The following SDHAF3 variants were observed in gnomAD, a reference collection of about 807,000 sequenced individuals.
SDHAF3 encodes the protein succinate dehydrogenase assembly factor 3, mitochondrial.
SDHAF3 carries 18 observed loss-of-function variants against 11.5 expected under a neutral mutation model. The ratio of observed to expected loss-of-function variants is 1.56; its 90% CI spans 1.08 to 2.32. SDHAF3 has a LOEUF of 2.32. Ranked by LOEUF, SDHAF3 falls within the 30% of genes most tolerant of loss-of-function variation. The probability of loss-of-function intolerance (pLI) is 0.00; values close to 1 mark genes in which losing one functional copy is unlikely to be tolerated. For synonymous variants in SDHAF3, 72 were observed against 59.3 expected (o/e 1.21, Z -0.99); for missense variants, 200 against 154.4 (o/e 1.30, Z -1.57).
intron 1 of SDHAF3, among the ~76,000 whole-genome samples, chr7:97,160,069 GC>G (rs1562828512): frequency 6.6e-6 from 1 of 151,302 alleles, no homozygotes; most frequent in East Asian, 2.0e-4. Context: ...CTGCCCGGCT[GC>G]CCTATCTGGG....
At chr7:97,173,729 T>C (rs1789640025) in intron 1 of SDHAF3, among the ~76,000 whole-genome samples, 1 of 151,770 alleles carries the variant, frequency 6.6e-6, no homozygotes. Context: ...ATTTTTTGTA[T>C]TTTTAGTAGA....
At chr7:97,177,080 G>T (rs1240056634) in intron 1 of SDHAF3, among the ~76,000 whole-genome samples, 2 of 151,594 alleles carry the variant, frequency 1.3e-5, no homozygotes, top group Non-Finnish European at 2.9e-5. Flanking sequence ...AAAGATTTTT[G>T]CTTTATTTTT....
chr7:97,142,716 T>A (rs1441268679), intron 1 of SDHAF3: 1 of 151,964 alleles, frequency 6.6e-6, no homozygotes, highest in East Asian at 1.9e-4. Context: ...GAGACAGTAT[T>A]TAAGGAATTT....
intron 1 of SDHAF3, among the ~76,000 whole-genome samples, chr7:97,121,835 T>G (rs1791501187): frequency 1.4e-5 from 2 of 146,754 alleles, no homozygotes. Context: ...AGTATGAGGT[T>G]TTTTGGTTTT....
intron 1 of SDHAF3, among the ~76,000 whole-genome samples, chr7:97,152,748 C>T (rs1789244522): frequency 6.6e-6 from 1 of 152,228 alleles, no homozygotes; most frequent in Admixed American, 6.5e-5. Flanking sequence ...CTCCCAGGTT[C>T]AAGCGATCCT....
intron 1 of SDHAF3, among the ~76,000 whole-genome samples, chr7:97,127,969 C>T (rs902277906): frequency 1.4e-5 from 2 of 140,502 alleles, no homozygotes; most frequent in East Asian, 2.2e-4. Flanking sequence ...GGCACTGCGT[C>T]GGCTCACTGC....
chr7:97,154,354 C>T (rs1202856118), intron 1 of SDHAF3, among the ~76,000 whole-genome samples: 3 of 152,182 alleles, frequency 2.0e-5, no homozygotes, highest in Non-Finnish European at 4.4e-5. Context: ...GTCACAATGG[C>T]TTAGCTTGGG....
intron 1 of SDHAF3, among the ~76,000 whole-genome samples, chr7:97,159,596 A>T (rs1789366966): frequency 6.6e-6 from 1 of 152,176 alleles, no homozygotes; most frequent in Non-Finnish European, 1.5e-5. Context: ...GTCATAACAA[A>T]CAACCCCAAT....
chr7:97,156,034 G>A (rs1415725008), intron 1 of SDHAF3, among the ~76,000 whole-genome samples: 5 of 152,074 alleles, frequency 3.3e-5, no homozygotes. Flanking sequence ...ACACAGTATT[G>A]CTAACTAAAG....
At chr7:97,172,783 TCTTA>T (rs1231930920) in intron 1 of SDHAF3, among the ~76,000 whole-genome samples, 1 of 152,240 alleles carries the variant, frequency 6.6e-6, no homozygotes, top group Non-Finnish European at 1.5e-5. Flanking sequence ...TTTTGGTATG[TCTTA>T]CTTGGATTTT....
chr7:97,143,118 A>G (rs1032343010), intron 1 of SDHAF3, among the ~76,000 whole-genome samples: 6 of 150,966 alleles, frequency 4.0e-5, no homozygotes, highest in Non-Finnish European at 8.9e-5. Flanking sequence ...CTGGTCTCGA[A>G]CTCCTGGCCT....
intron 1 of SDHAF3, among the ~76,000 whole-genome samples, chr7:97,148,597 A>G (rs80154706): frequency 0.016 from 2,361 of 152,322 alleles, 59 homozygotes; most frequent in African/African-American, 0.053. Flanking sequence ...TGAATTTGAT[A>G]AACAATTCAC....
chr7:97,147,949 G>A (rs189515177), intron 1 of SDHAF3, among the ~76,000 whole-genome samples: 1 of 151,836 alleles, frequency 6.6e-6, no homozygotes, highest in African/African-American at 2.4e-5. Context: ...GAGTCTTGCC[G>A]TGTCTCCCAG....
intron 1 of SDHAF3, among the ~76,000 whole-genome samples, chr7:97,148,497 A>G (rs1005191349): frequency 1.3e-5 from 2 of 152,164 alleles, no homozygotes; most frequent in Non-Finnish European, 2.9e-5. Flanking sequence ...TGATTGCCCT[A>G]CTGTACTCCA....
At chr7:97,174,155 G>A (rs1057284105) in intron 1 of SDHAF3, among the ~76,000 whole-genome samples, 1 of 151,798 alleles carries the variant, frequency 6.6e-6, no homozygotes, top group Non-Finnish European at 1.5e-5. Flanking sequence ...CTGACCTCAA[G>A]GGATCCACTC....
chr7:97,126,140 G>T (rs1791569805), intron 1 of SDHAF3, among the ~76,000 whole-genome samples: 1 of 152,204 alleles, frequency 6.6e-6, no homozygotes, highest in South Asian at 2.1e-4. Context: ...CTGCAGAACA[G>T]CAAAGATTGC....
intron 1 of SDHAF3, among the ~76,000 whole-genome samples, chr7:97,155,936 G>C (rs2115703593): frequency 6.6e-6 from 1 of 152,124 alleles, no homozygotes; most frequent in Non-Finnish European, 1.5e-5. Flanking sequence ...TGATATTTTT[G>C]AAAGTTTTAG....
chr7:97,135,664 G>GTATA (rs1272867372), intron 1 of SDHAF3: 19 of 86,828 alleles, frequency 2.2e-4, no homozygotes, highest in Admixed American at 4.0e-4. Context: ...GTGTGTGTGT[G>GTATA]TGTGTATATA....
At chr7:97,160,861 T>A (rs931879064) in intron 1 of SDHAF3, among the ~76,000 whole-genome samples, 2 of 152,162 alleles carry the variant, frequency 1.3e-5, no homozygotes, top group Admixed American at 1.3e-4. Context: ...CTTTTTTAAG[T>A]AGGAAAATTA....
Sources: allele counts gnomAD v4.1 joint callset (sites outside exome capture counted in the v4.1 genomes callset), GRCh38; gene constraint gnomAD v4.1.1; transcripts MANE v1.5; gene names NCBI Gene and HGNC (gene_info 2026-07-23, HGNC 2026-07-21).